Variants in RYR3 observed in about 807,000 individuals in gnomAD.
The protein encoded by RYR3 is ryanodine receptor 3.
In RYR3, 207 loss-of-function variants were observed where a neutral mutation model predicts 584.3. The observed-to-expected ratio is 0.35, with a 90% CI of 0.32 to 0.40. The LOEUF (loss-of-function observed/expected upper bound fraction) is 0.40, where lower values mean the gene tolerates loss of function less well. Among genes scored for constraint, RYR3 ranks in the 10% least tolerant of loss-of-function variants. RYR3 has a pLI of 1.00. For missense variants in RYR3, 5,616 were observed against 6,089.2 expected, an observed-to-expected ratio of 0.92 and a Z score of 2.59; for synonymous variants, 2,416 against 2,248.5, an observed-to-expected ratio of 1.07 and a Z score of -2.11.
chr15:33,315,280 G>A (rs1200012280), intron 1 of RYR3, among the ~76,000 whole-genome samples: 1 of 152,186 alleles, frequency 6.6e-6, no homozygotes, highest in Non-Finnish European at 1.5e-5. Flanking sequence ...GGTGGTTTAT[G>A]GATGCCTGCT....
chr15:33,432,682 G>GTGTA (rs975968250), intron 1 of RYR3, among the ~76,000 whole-genome samples: 1 of 148,014 alleles, frequency 6.8e-6, no homozygotes, highest in African/African-American at 2.5e-5. Context: ...GTGTGTGTGT[G>GTGTA]TGTGTGTGTG....
At chr15:33,647,578 T>G (rs2062174385) in intron 30 of RYR3, 118 bp downstream of exon 30, 1 of 696,506 alleles carries the variant, frequency 1.4e-6, no homozygotes, top group African/African-American at 1.8e-5. Flanking sequence ...TTACTCTGTC[T>G]TTTAATATCC....
chr15:33,511,349 A>C (rs1441643727), intron 3 of RYR3, among the ~76,000 whole-genome samples: 5 of 151,514 alleles, frequency 3.3e-5, no homozygotes, highest in Admixed American at 2.0e-4. Flanking sequence ...AAAAAAAAAA[A>C]AACTCTTTAG....
intron 25 of RYR3, among the ~76,000 whole-genome samples, chr15:33,635,162 G>T (rs2061440702): frequency 6.6e-6 from 1 of 152,128 alleles, no homozygotes; most frequent in Admixed American, 6.5e-5. Context: ...GCCTGTTATT[G>T]TCATCCCATG....
intron 7 of RYR3, among the ~76,000 whole-genome samples, chr15:33,542,724 GA>G (rs2055923427): frequency 6.6e-6 from 1 of 152,008 alleles, no homozygotes; most frequent in African/African-American, 2.4e-5. Flanking sequence ...CTAATTATGT[GA>G]TTTTTTTTCC....
chr15:33,606,818 C>G (rs1283305066), intron 18 of RYR3, among the ~76,000 whole-genome samples: 1 of 152,128 alleles, frequency 6.6e-6, no homozygotes, highest in Non-Finnish European at 1.5e-5. Flanking sequence ...ATCTCCCCTT[C>G]CCTTTAACCA....
At chr15:33,544,356 C>G (rs1379196034) in intron 8 of RYR3, among the ~76,000 whole-genome samples, 3 of 151,892 alleles carry the variant, frequency 2.0e-5, no homozygotes, top group East Asian at 1.9e-4. Flanking sequence ...AAAAAAAAAT[C>G]AAACCTCAGA....
intron 103 of RYR3, among the ~76,000 whole-genome samples, chr15:33,864,408 G>C (rs1889701300): frequency 6.6e-6 from 1 of 151,230 alleles, no homozygotes; most frequent in Admixed American, 6.6e-5. Context: ...TACTGCTTCA[G>C]ACTAGAAGAG....
chr15:33,483,652 A>G (rs557837580), intron 2 of RYR3, among the ~76,000 whole-genome samples: 36 of 152,352 alleles, frequency 2.4e-4, no homozygotes, highest in African/African-American at 8.4e-4. Flanking sequence ...CATTCCAGAA[A>G]TAAGTAGCTG....
chr15:33,819,864 T>G (rs1374626026), intron 77 of RYR3, 57 bp downstream of exon 77: 13 of 1,379,544 alleles, frequency 9.4e-6, no homozygotes, highest in Non-Finnish European at 1.2e-5. Context: ...TTAGATTTCT[T>G]TAGGCGCATG....
At chr15:33,645,045 A>G (rs2062024167) in intron 28 of RYR3, among the ~76,000 whole-genome samples, 1 of 152,118 alleles carries the variant, frequency 6.6e-6, no homozygotes, top group South Asian at 2.1e-4. Context: ...AAAAAATTTA[A>G]AAGTTCCATA....
chr15:33,569,929 G>C (rs1243190615), intron 12 of RYR3, among the ~76,000 whole-genome samples: 4 of 152,082 alleles, frequency 2.6e-5, no homozygotes, highest in Non-Finnish European at 5.9e-5. Flanking sequence ...GCCTTTTTAA[G>C]TTGGGTCATT....
intron 22 of RYR3, 83 bp downstream of exon 22, chr15:33,630,126 C>T: frequency 5.4e-6 from 4 of 735,418 alleles, no homozygotes; most frequent in Non-Finnish European, 8.9e-6. Context: ...AGATATGTCT[C>T]TTGCCTGAAA....
At chr15:33,379,220 C>T (rs2040974154) in intron 1 of RYR3, among the ~76,000 whole-genome samples, 1 of 152,122 alleles carries the variant, frequency 6.6e-6, no homozygotes, top group Non-Finnish European at 1.5e-5. Flanking sequence ...TCCTGTGATA[C>T]TGTAACACAC....
rs568991474 is a variant in RYR3 at position 33,646,203 on chromosome 15, T to G, written c.3766-148T>G. ...CTACGGGACAAGGCCCAAGTAATGA[T>G]GAGAATCATAGTTTGGTTATCACTG... On this transcript the variant is annotated intron_variant, in intron 28 of 103. Coordinates refer to ENST00000634891, the MANE Select transcript of RYR3 (RefSeq NM_001036.6). 112 of 624,156 alleles carry G rather than the reference T, an allele frequency of 1.8e-4. No homozygotes were observed. The South Asian group carries it at 2.6e-3, about 15-fold the overall frequency. 38.7% of individuals were successfully genotyped at this position (624,156 alleles called of 1,614,324 possible). A position where few individuals can be genotyped will look rare whatever the true frequency, so the allele number is the denominator to read the frequency against.
chr15:33,672,508 A>G (rs1177181447), intron 38 of RYR3, among the ~76,000 whole-genome samples: 2 of 152,180 alleles, frequency 1.3e-5, no homozygotes, highest in African/African-American at 4.8e-5. Flanking sequence ...GTGATCAGGC[A>G]TGTTTGGCTT....
chr15:33,783,132 G>A (rs1413029554), intron 65 of RYR3, among the ~76,000 whole-genome samples: 1 of 152,120 alleles, frequency 6.6e-6, no homozygotes, highest in East Asian at 1.9e-4. Flanking sequence ...GAATTCTAAC[G>A]CGCATCAGAA....
At chr15:33,406,076 T>G (rs2042998634) in intron 1 of RYR3, among the ~76,000 whole-genome samples, 1 of 152,190 alleles carries the variant, frequency 6.6e-6, no homozygotes. Context: ...ATTCTGGAGA[T>G]CCAGTCTGAG....
chr15:33,644,235 G>T, intron 27 of RYR3, 76 bp from the exon 28 acceptor site: 1 of 1,142,440 alleles, frequency 8.8e-7, no homozygotes, highest in Non-Finnish European at 1.3e-6. Context: ...CCTTAAGGAA[G>T]CAAAGATTCA....
Sources: gnomAD v4.1 joint callset for allele counts (sites outside exome capture counted in the v4.1 genomes callset) on GRCh38, gnomAD v4.1.1 for gene constraint, MANE v1.5 for transcripts, NCBI Gene and HGNC (gene_info 2026-07-23, HGNC 2026-07-21) for gene names.